The following CRYBG2 variants were observed in gnomAD, a reference collection of about 807,000 sequenced individuals.
CRYBG2 encodes beta/gamma crystallin domain-containing protein 2.
A neutral mutation model predicts 153.4 loss-of-function variants in CRYBG2; 106 were observed. The ratio of observed to expected loss-of-function variants is 0.69; its 90% CI spans 0.59 to 0.81. CRYBG2 has a LOEUF of 0.81. Ranked by LOEUF, CRYBG2 falls within the 30% of genes least tolerant of loss-of-function variation. The pLI is 0.00. For missense variants in CRYBG2, 1,996 were observed against 2,112.0 expected, an observed-to-expected ratio of 0.95 and a Z score of 1.08; for synonymous variants, 851 against 877.8, an observed-to-expected ratio of 0.97 and a Z score of 0.54.
intron 14 of CRYBG2, among the ~76,000 whole-genome samples, chr1:26,335,475 T>A (rs2074043358): frequency 6.7e-6 from 1 of 148,840 alleles, no homozygotes; most frequent in South Asian, 2.2e-4. Context: ...AAACTCTGTC[T>A]CAAAACAAAA....
chr1:26,339,440 A>T lies in CRYBG2; in HGVS notation c.3205-11T>A, dbSNP rs1438234399. 1.2e-6 allele frequency: 2 copies of T among 1,613,304 alleles called. No individual in the cohort carries two copies. The highest frequency in any genetic ancestry group is 2.7e-5 in the African/African-American group (2 of 74,890). On this transcript the variant is annotated splice_polypyrimidine_tract_variant and intron_variant, in intron 5 of 19. Coordinates refer to ENST00000308182, the MANE Select transcript of CRYBG2 (RefSeq NM_001039775.4). The stretch of plus-strand genomic sequence containing the variant: ...CGGGGTGCTGTAGTCCTGTGGAAGG[A>T]GGGGGAAAATTAAATATAGATAAAC...
At position 26,336,217 on chromosome 1, in the gene CRYBG2, G is replaced by A. The variant is rs775651908; in HGVS notation, c.4072-10C>T. The A allele has an allele frequency of 2.6e-6, 4 of 1,561,622 alleles. No individual in the cohort carries two copies. The highest frequency in any genetic ancestry group is 3.5e-6 in the Non-Finnish European group (4 of 1,150,848). On this transcript the variant is annotated splice_polypyrimidine_tract_variant and intron_variant, in intron 13 of 19. Transcript: ENST00000308182. The surrounding 1 kb of genome is among the most constrained non-coding windows in gnomAD (Gnocchi z 4.9). ...GGGAGAAAAGCTGAATCTGGAGGCA[G>A]AGAGGGGAGATGAGGGGAAGGAGGA...
Position 26,346,705 on chromosome 1 carries a change from C to T in CRYBG2, c.-48G>A. 6 of 1,469,462 alleles carry T rather than the reference C, an allele frequency of 4.1e-6. No homozygotes were observed. Among genetic ancestry groups the T allele is most frequent in the Non-Finnish European group, 5.4e-6 (6 of 1,108,064 alleles). The allele number at this position is 1,469,462 out of a possible 1,614,324, so 91.0% of individuals were successfully genotyped here. On this transcript the variant is annotated 5_prime_UTR_variant, in exon 2 of 20. Coordinates refer to ENST00000308182, the MANE Select transcript of CRYBG2 (RefSeq NM_001039775.4). This position sits in a 1 kb window ranked among gnomAD's most constrained non-coding sequence, Gnocchi z 4.9. ...GGAGGTGTCCTTGTCCCACTGTGGT[C>T]CAGCTCCCTGCAGAGGAATAAGAAA...
intron 5 of CRYBG2, 92 bp downstream of exon 5, chr1:26,342,662 G>C (rs1017572722): frequency 5.2e-6 from 8 of 1,539,200 alleles, no homozygotes; most frequent in Non-Finnish European, 6.1e-6. Flanking sequence ...GCTTCCCAAA[G>C]TGCTGGCATT....
At position 26,338,475 on chromosome 1, in the gene CRYBG2, C is replaced by A; in HGVS notation, c.3347G>T (p.Trp1116Leu). ...VASATVSAGL[W>L]LLYPKPLFED... Reference sequence around the variant, plus strand: ...GAATAATGGTTTGGGGTACAGTAGCCACCTAGGGGAAACAGAGAGGCTGCT... The same window carrying A: ...GAATAATGGTTTGGGGTACAGTAGCAACCTAGGGGAAACAGAGAGGCTGCT... Residue 1116 changes from tryptophan (W) to leucine (L), a missense_variant and splice_region_variant, in exon 7 of 20, where the codon TGG (tryptophan) becomes TTG (leucine). Trp to Leu is a moderately conservative substitution (Grantham distance 61). Coordinates refer to ENST00000308182, the MANE Select transcript of CRYBG2 (RefSeq NM_001039775.4). The A allele has an allele frequency of 6.2e-7, 1 of 1,603,580 alleles. No individual in the cohort carries two copies. Among genetic ancestry groups the A allele is most frequent in the Non-Finnish European group, 8.5e-7 (1 of 1,175,706 alleles).
At chr1:26,339,018 T>G (rs958943296) in intron 6 of CRYBG2, among the ~76,000 whole-genome samples, 10 of 152,226 alleles carry the variant, frequency 6.6e-5, no homozygotes, top group African/African-American at 2.2e-4. Context: ...TCTGCCCTCA[T>G]GGAGCTTAGA....
At chr1:26,347,590 G>A (rs1040071182) in intron 1 of CRYBG2, among the ~76,000 whole-genome samples, 7 of 151,794 alleles carry the variant, frequency 4.6e-5, no homozygotes, top group Admixed American at 3.9e-4. Context: ...CCTGGTTCAC[G>A]CCATTCTCCT....
chr1:26,341,762 A>G (rs1374942832), intron 5 of CRYBG2, among the ~76,000 whole-genome samples: 1 of 152,164 alleles, frequency 6.6e-6, no homozygotes, highest in African/African-American at 2.4e-5. Flanking sequence ...CTGGGATTAT[A>G]AGCGTGAGCC....
rs2073954837 is a variant in CRYBG2 at position 26,328,191 on chromosome 1, TCCAGCCACG to T, written c.4578+9_4578+17del. The T allele has an allele frequency of 6.4e-7, 1 of 1,558,314 alleles. No homozygotes were observed. Among genetic ancestry groups the T allele is most frequent in the African/African-American group, 1.4e-5 (1 of 73,224 alleles). On this transcript the variant is annotated intron_variant, in intron 17 of 19. Coordinates refer to ENST00000308182, the MANE Select transcript of CRYBG2 (RefSeq NM_001039775.4). ...ACGCTCAGCCCCAGACACGCTCAGC[TCCAGCCACG>T]CTACCCACCTGCTTGATGGGGTAGA... is the stretch of plus-strand genomic sequence containing the variant.
chr1:26,333,402 C>T lies in CRYBG2; in HGVS notation c.4185-1784G>A, dbSNP rs534664558. Among the ~76,000 whole-genome samples, 345 of 152,124 alleles carry T rather than the reference C, an allele frequency of 2.3e-3. 1 individual carries two copies. Among genetic ancestry groups the T allele is most frequent in the Non-Finnish European group, 3.9e-3 (263 of 67,998 alleles). Reference sequence around the variant, plus strand: ...CCAACATGAAGAAACCCCATCTCTGCTAAAAATACAAAAATTAGCCGGGTG... The same window carrying T: ...CCAACATGAAGAAACCCCATCTCTGTTAAAAATACAAAAATTAGCCGGGTG... On this transcript the variant is annotated intron_variant, in intron 14 of 19. Coordinates refer to ENST00000308182, the MANE Select transcript of CRYBG2 (RefSeq NM_001039775.4).
At chr1:26,326,773 A>G (rs1255624058) in intron 17 of CRYBG2, 3 of 490,790 alleles carry the variant, frequency 6.1e-6, no homozygotes, top group African/African-American at 5.9e-5. Context: ...CTCGTAATAG[A>G]ATTGTTGACC....
intron 1 of CRYBG2, among the ~76,000 whole-genome samples, chr1:26,348,578 CAG>C (rs1344354610): frequency 2.0e-5 from 3 of 151,946 alleles, no homozygotes; most frequent in African/African-American, 4.8e-5. Context: ...TTTTTTGAGA[CAG>C]AGTCTCGCTC....
rs188336225 is a variant in CRYBG2, at chr1:26,332,690, G to C, written c.4185-1072C>G. On this transcript the variant is annotated intron_variant, in intron 14 of 19. Coordinates refer to ENST00000308182, the MANE Select transcript of CRYBG2 (RefSeq NM_001039775.4). Reference sequence around the variant, plus strand: ...CCCAGCTAATTTTGTATTTTTAGTAGAGATGGGGTTTCACCGTGTTGGCCA... The same window carrying C: ...CCCAGCTAATTTTGTATTTTTAGTACAGATGGGGTTTCACCGTGTTGGCCA... 1.6e-3 allele frequency among the ~76,000 whole-genome samples: 237 copies of C among 152,094 alleles called. 1 individual carries two copies. The highest frequency in any genetic ancestry group is 5.6e-3 in the African/African-American group (234 of 41,498).
chr1:26,343,207 C>T lies in CRYBG2; in HGVS notation c.2961+39G>A. 1.9e-6 allele frequency: 3 copies of T among 1,550,668 alleles called. No homozygotes were observed. Among genetic ancestry groups the T allele is most frequent in the East Asian group, 2.4e-5 (1 of 40,916 alleles). On this transcript the variant is annotated intron_variant, in intron 3 of 19. Coordinates refer to ENST00000308182, the MANE Select transcript of CRYBG2 (RefSeq NM_001039775.4). This position sits in a 1 kb window ranked among gnomAD's most constrained non-coding sequence, Gnocchi z 4.1. The stretch of plus-strand genomic sequence containing the variant: ...CTCAGGCCCTGACCCCAGGCCCCTG[C>T]ATCCTGCTGCCCCCACCCACTTGCC...
intron 1 of CRYBG2, among the ~76,000 whole-genome samples, chr1:26,350,478 T>C (rs2074274562): frequency 6.6e-6 from 1 of 152,312 alleles, no homozygotes; most frequent in East Asian, 1.9e-4. Flanking sequence ...GAATAAATTA[T>C]TAATAAATTA....
At chr1:26,348,460 C>G (rs1464514963) in intron 1 of CRYBG2, among the ~76,000 whole-genome samples, 1 of 152,326 alleles carries the variant, frequency 6.6e-6, no homozygotes, top group East Asian at 1.9e-4. Flanking sequence ...ACCCTGGAGG[C>G]TGAGGTGGGA....
rs1272249200 is a variant in CRYBG2 at position 26,344,266 on chromosome 1, C to T, written c.2392G>A (p.Ala798Thr). The change falls in exon 2 of 20, where the codon GCC becomes ACC. Residue 798 changes from alanine (A) to threonine (T), a missense_variant. By Grantham distance (58) the Ala-to-Thr change is moderately conservative. Transcript: ENST00000308182. ...TCCTCCTCAATGGCAGGCAGCGTGG[C>T]GTACATGGACAGGTAGGAGGAGCGA... The part of the protein sequence containing the change: ...APRSSYLSMY[A>T]TLPAIEEDQL... The T allele has an allele frequency of 4.0e-5, 61 of 1,530,544 alleles. No individual in the cohort carries two copies. The highest frequency in any genetic ancestry group is 1.0e-4 in the Admixed American group (5 of 50,122). The allele number at this position is 1,530,544 out of a possible 1,614,324, so 94.8% of individuals were successfully genotyped here. A position where few individuals can be genotyped will look rare whatever the true frequency, so the allele number is the denominator to read the frequency against.
At chr1:26,322,115 T>C (rs1433492379) in intron 19 of CRYBG2, 49 bp downstream of exon 19, 1 of 1,599,716 alleles carries the variant, frequency 6.3e-7, no homozygotes, top group East Asian at 2.2e-5. Flanking sequence ...TGGGACTCCA[T>C]GGCTCTCAGC....
In CRYBG2 at chr1:26,343,915, G is replaced by A; in HGVS notation, c.2743C>T (p.Pro915Ser). Residue 915 changes from proline to serine, a missense_variant, in exon 2 of 20, where the codon CCT (proline) becomes TCT (serine). Physicochemically the swap from Pro to Ser is moderately conservative, Grantham distance 74. Coordinates refer to ENST00000308182, the MANE Select transcript of CRYBG2 (RefSeq NM_001039775.4). This position sits in a 1 kb window ranked among gnomAD's most constrained non-coding sequence, Gnocchi z 4.1. The part of the protein sequence containing the change: ...GGSLLFGSLV[P>S]TAKEASTPEP... The stretch of plus-strand genomic sequence containing the variant: ...GGGGTGGAGGCCTCCTTGGCGGTAG[G>A]CACCAGACTGCCGAACAGAAGGCTG... 6.5e-7 allele frequency: 1 copy of A among 1,537,224 alleles called. No individual in the cohort carries two copies. The highest frequency in any genetic ancestry group is 8.8e-7 in the Non-Finnish European group (1 of 1,142,092).
Sources: gnomAD v4.1 joint callset for allele counts (sites outside exome capture counted in the v4.1 genomes callset) on GRCh38, gnomAD v4.1.1 for gene constraint, Gnocchi (gnomAD v3.1) non-coding constraint, MANE v1.5 for transcripts, NCBI Gene and HGNC (gene_info 2026-07-23, HGNC 2026-07-21) for gene names.